RGL1: variants seen among roughly 807,000 people sequenced by gnomAD.
RGL1 encodes the protein ral guanine nucleotide dissociation stimulator like 1.
In RGL1, 24 loss-of-function variants were observed where a neutral mutation model predicts 95.2. That is an observed-to-expected ratio of 0.25 (90% CI 0.18 to 0.35). RGL1 has a LOEUF of 0.35. RGL1 is among the 10% of genes least tolerant of loss of function. The pLI, the probability that RGL1 is intolerant of heterozygous loss-of-function variation, is 1.00. For synonymous variants in RGL1, 329 were observed against 344.9 expected, an observed-to-expected ratio of 0.95 and a Z score of 0.51; for missense variants, 715 against 936.3, an observed-to-expected ratio of 0.76 and a Z score of 3.08.
chr1:183,798,035 C>T (rs924812872), intron 2 of RGL1, among the ~76,000 whole-genome samples: 3 of 152,114 alleles, frequency 2.0e-5, no homozygotes, highest in African/African-American at 7.2e-5. Flanking sequence ...CAGTTTTGTT[C>T]AAAAGTCCAC....
At chr1:183,694,021 G>C (rs900849623) in intron 1 of RGL1, among the ~76,000 whole-genome samples, 1 of 152,154 alleles carries the variant, frequency 6.6e-6, no homozygotes, top group African/African-American at 2.4e-5. Context: ...CTATGGCATG[G>C]CACAACATGG....
At chr1:183,671,725 T>C (rs1652465175) in intron 1 of RGL1, among the ~76,000 whole-genome samples, 1 of 152,174 alleles carries the variant, frequency 6.6e-6, no homozygotes, top group South Asian at 2.1e-4. Context: ...CAAATGGAGC[T>C]AAACTCAGTT....
At chr1:183,822,009 C>T (rs573047859) in intron 2 of RGL1, among the ~76,000 whole-genome samples, 1 of 152,100 alleles carries the variant, frequency 6.6e-6, no homozygotes, top group South Asian at 2.1e-4. Context: ...AAAACATGTC[C>T]TTACAGTACA....
intron 1 of RGL1, among the ~76,000 whole-genome samples, chr1:183,645,617 A>G (rs1237284615): frequency 2.0e-5 from 3 of 152,232 alleles, no homozygotes; most frequent in African/African-American, 7.2e-5. Flanking sequence ...CCAGCCTGAT[A>G]TGACCAAGAA....
intron 16 of RGL1, among the ~76,000 whole-genome samples, chr1:183,918,014 C>T (rs978752660): frequency 6.6e-6 from 1 of 152,068 alleles, no homozygotes; most frequent in Non-Finnish European, 1.5e-5. Flanking sequence ...TTTTTGAAAG[C>T]TTTTGATGAG....
intron 2 of RGL1, among the ~76,000 whole-genome samples, chr1:183,768,308 C>CT (rs1659091387): frequency 6.6e-6 from 1 of 151,920 alleles, no homozygotes; most frequent in Non-Finnish European, 1.5e-5. Flanking sequence ...ATACAAAATT[C>CT]TTTTTTACTT....
intron 1 of RGL1, among the ~76,000 whole-genome samples, chr1:183,642,493 A>C (rs756060613): frequency 1.3e-5 from 2 of 152,224 alleles, no homozygotes; most frequent in Non-Finnish European, 2.9e-5. Context: ...AAATTATAAT[A>C]CTTACTTTTT....
At chr1:183,899,325 A>G (rs747365874) in intron 10 of RGL1, among the ~76,000 whole-genome samples, 3 of 152,114 alleles carry the variant, frequency 2.0e-5, no homozygotes, top group Non-Finnish European at 2.9e-5. Flanking sequence ...CGGCATACCA[A>G]CTGCATTTTG....
At chr1:183,878,341 C>T (rs574886741) in intron 4 of RGL1, among the ~76,000 whole-genome samples, 115 of 152,106 alleles carry the variant, frequency 7.6e-4, no homozygotes, top group African/African-American at 2.7e-3. Flanking sequence ...GGACTACAGG[C>T]GTGTACCACC....
At chr1:183,901,454 G>T (rs191439348) in intron 11 of RGL1, among the ~76,000 whole-genome samples, 213 of 152,198 alleles carry the variant, frequency 1.4e-3, no homozygotes, top group African/African-American at 4.7e-3. Context: ...GTCATTGCAC[G>T]ATCTAGGTGC....
At chr1:183,809,712 A>G (rs1661576087) in intron 2 of RGL1, among the ~76,000 whole-genome samples, 1 of 152,214 alleles carries the variant, frequency 6.6e-6, no homozygotes, top group South Asian at 2.1e-4. Context: ...TGAGAGGCCA[A>G]GGCAGGCTAA....
intron 1 of RGL1, chr1:183,648,253 G>T (rs780758782): frequency 1.9e-6 from 3 of 1,614,194 alleles, no homozygotes; most frequent in Non-Finnish European, 1.7e-6. Context: ...AAGCTGGCCA[G>T]GCTCCGGAGA....
At chr1:183,850,900 A>G (rs1022313154) in intron 3 of RGL1, among the ~76,000 whole-genome samples, 1 of 152,224 alleles carries the variant, frequency 6.6e-6, no homozygotes, top group Admixed American at 6.5e-5. Flanking sequence ...GTGACTATTG[A>G]TAATAGGCCA....
At position 183,773,968 on chromosome 1, in the gene RGL1, C is replaced by T. The variant is rs893216260; in HGVS notation, c.132+31679C>T. Among the ~76,000 whole-genome samples, 9 of 151,234 alleles carry T rather than the reference C, an allele frequency of 6.0e-5. No homozygotes were observed. In the East Asian group the frequency reaches 1.7e-3, roughly 29 times the overall value. On this transcript the variant is annotated intron_variant, in intron 2 of 18. Transcript: ENST00000304685. The stretch of plus-strand genomic sequence containing the variant: ...AGACTTGGGAAAGAAAAAAAAAAAG[C>T]CAGGATTTCACATGGGAGTGCAGAC...
intron 2 of RGL1, among the ~76,000 whole-genome samples, chr1:183,780,239 T>G (rs1334187540): frequency 6.6e-6 from 1 of 152,228 alleles, no homozygotes; most frequent in Non-Finnish European, 1.5e-5. Context: ...TTTGAACTGT[T>G]ACATCTATTT....
At chr1:183,850,075 C>G (rs1664739994) in intron 3 of RGL1, among the ~76,000 whole-genome samples, 1 of 152,176 alleles carries the variant, frequency 6.6e-6, no homozygotes, top group Non-Finnish European at 1.5e-5. Flanking sequence ...TGACCACTGA[C>G]AAATGATAGC....
Position 183,883,877 on chromosome 1 carries a change from T to C in RGL1, c.702T>C (p.Asp234=). ...CAGAATTCACGTGCTTCTCAGAAGA[T>C]CTCGTGGCAGAGCAGCTGACCTACA... ...ESAEFTCFSE[D]LVAEQLTYMD... Residue 234 remains aspartate, a synonymous_variant, in exon 6 of 18, where the codon GAT becomes GAC. Coordinates refer to ENST00000360851, the MANE Select transcript of RGL1 (RefSeq NM_001297671.3). 1 of 1,614,072 alleles carries C rather than the reference T, an allele frequency of 6.2e-7. No homozygotes were observed. The highest frequency in any genetic ancestry group is 8.5e-7 in the Non-Finnish European group (1 of 1,179,902).
rs983594517 is a variant in RGL1 at position 183,907,013 on chromosome 1, T to C, written c.1474T>C (p.Tyr492His). 5.0e-6 allele frequency: 8 copies of C among 1,599,536 alleles called. No homozygotes were observed. The highest frequency in any genetic ancestry group is 6.9e-6 in the Non-Finnish European group (8 of 1,167,256). Residue 492 changes from tyrosine to histidine, a missense_variant and splice_region_variant, in exon 14 of 18, where the codon TAT (tyrosine) becomes CAT (histidine). Physicochemically the swap from Tyr to His is moderately conservative, Grantham distance 83. Coordinates refer to ENST00000360851, the MANE Select transcript of RGL1 (RefSeq NM_001297671.3). Reference sequence around the variant, plus strand: ...ATGGAGCCCCCTTCTCTTTCTCAGCTATGCCCTGTCATGTGAGATTGAAGC... The same window carrying C: ...ATGGAGCCCCCTTCTCTTTCTCAGCCATGCCCTGTCATGTGAGATTGAAGC... ...RQQLLTEEESYALSCEIEAAA... is the reference protein window; with the variant it reads ...RQQLLTEEESHALSCEIEAAA...
At chr1:183,741,736 A>G (rs1223837137) in intron 1 of RGL1, among the ~76,000 whole-genome samples, 1 of 152,254 alleles carries the variant, frequency 6.6e-6, no homozygotes, top group Non-Finnish European at 1.5e-5. Context: ...TTGACATCAT[A>G]GCCAGTGCTT....
Sources: allele counts gnomAD v4.1 joint callset (sites outside exome capture counted in the v4.1 genomes callset), GRCh38; gene constraint gnomAD v4.1.1; transcripts MANE v1.5; gene names NCBI Gene and HGNC (gene_info 2026-07-23, HGNC 2026-07-21).